Variants in PCDHA5 observed in about 807,000 individuals in gnomAD.
PCDHA5 encodes protocadherin alpha-5.
PCDHA5 carries 43 observed loss-of-function variants against 61.6 expected under a neutral mutation model. That is an observed-to-expected ratio of 0.70 (90% CI 0.55 to 0.90). The LOEUF is 0.90. Among genes scored for constraint, PCDHA5 ranks in the 40% least tolerant of loss-of-function variants. The probability of loss-of-function intolerance (pLI) is 0.00; values close to 1 mark genes in which losing one functional copy is unlikely to be tolerated. For synonymous variants in PCDHA5, 627 were observed against 543.9 expected (o/e 1.15, Z -2.13); for missense variants, 1,298 against 1,222.7 (o/e 1.06, Z -0.92).
chr5:140,965,814 T>C (rs1423732818), intron 1 of PCDHA5, among the ~76,000 whole-genome samples: 1 of 152,224 alleles, frequency 6.6e-6, no homozygotes, highest in Non-Finnish European at 1.5e-5. Flanking sequence ...AAACAGAGCA[T>C]TTTAAACATT....
chr5:141,007,315 C>T (rs1207897662), intron 3 of PCDHA5, among the ~76,000 whole-genome samples: 1 of 148,308 alleles, frequency 6.7e-6, no homozygotes, highest in Non-Finnish European at 1.5e-5. Flanking sequence ...TTTTGGGAGG[C>T]TAAAGTGGAC....
chr5:140,985,170 C>T (rs1465909141), intron 3 of PCDHA5, among the ~76,000 whole-genome samples: 12 of 152,168 alleles, frequency 7.9e-5, no homozygotes, highest in African/African-American at 2.9e-4. Flanking sequence ...ATCTCCTGAC[C>T]TCGTAATCCG....
chr5:140,876,017 T>C lies in PCDHA5; in HGVS notation c.2352+51890T>C, dbSNP rs371785405. The C allele has an allele frequency of 8.7e-6, 14 of 1,613,124 alleles. No homozygotes were observed. Among genetic ancestry groups the C allele is most frequent in the Admixed American group, 3.3e-5 (2 of 59,812 alleles). ...CTAAATGAGAATTTTGAGCTTAAAA[T>C]AAAAACAAAAAAAGATAAAAGTATA... On this transcript the variant is annotated intron_variant, in intron 1 of 3. Transcript: ENST00000529859.
chr5:140,824,611 T>G (rs1768190871), intron 1 of PCDHA5: 1 of 19,836 alleles, frequency 5.0e-5, no homozygotes, highest in African/African-American at 1.7e-4. Context: ...CTAATTAAAG[T>G]TTTTTTTTTT....
chr5:140,927,814 G>GCATA (rs1554205103), intron 1 of PCDHA5: 1 of 1,614,172 alleles, frequency 6.2e-7, no homozygotes, highest in Non-Finnish European at 8.5e-7. Context: ...GCTCTTGGAG[G>GCATA]CATACATTGA....
rs1255699815 is a variant in PCDHA5, at chr5:140,984,173, C to T, written c.2500+1610C>T. On this transcript the variant is annotated intron_variant, in intron 3 of 3. Transcript: ENST00000529859. The stretch of plus-strand genomic sequence containing the variant: ...AGGTGAGAACTTCCCAAAGAAGCCA[C>T]GTGAAATCATGACTTTCTACCTTGC... Among the ~76,000 whole-genome samples, 5 of 152,166 alleles carry T rather than the reference C, an allele frequency of 3.3e-5. No individual in the cohort carries two copies. The South Asian group carries it at 6.2e-4, about 19-fold the overall frequency.
chr5:140,853,541 G>A, intron 1 of PCDHA5: 2 of 979,320 alleles, frequency 2.0e-6, no homozygotes, highest in Non-Finnish European at 2.5e-6. Context: ...TTTTCAAGTT[G>A]TAATTACTAT....
At chr5:140,926,850 G>A (rs375350613) in intron 1 of PCDHA5, 3 of 1,517,570 alleles carry the variant, frequency 2.0e-6, no homozygotes, top group African/African-American at 2.8e-5. Flanking sequence ...CTGGGTCACC[G>A]TTGGTGTAGC....
intron 1 of PCDHA5, chr5:140,830,264 G>A (rs748242537): frequency 6.2e-7 from 1 of 1,613,678 alleles, no homozygotes; most frequent in Non-Finnish European, 8.5e-7. Context: ...GCGGTGCTCG[G>A]CGCCACCCAC....
chr5:140,922,172 C>T (rs1466116071), intron 1 of PCDHA5, among the ~76,000 whole-genome samples: 2 of 134,528 alleles, frequency 1.5e-5, no homozygotes, highest in Non-Finnish European at 3.3e-5. Context: ...AAAAGTACAG[C>T]AGACAAAAAA....
At chr5:140,842,935 C>G (rs1329962165) in intron 1 of PCDHA5, 2 of 1,594,326 alleles carry the variant, frequency 1.3e-6, no homozygotes, top group African/African-American at 1.3e-5. Flanking sequence ...TGAGCGCGCG[C>G]GACGCGGGCG....
At chr5:140,855,140 G>C (rs2043352790) in intron 1 of PCDHA5, among the ~76,000 whole-genome samples, 1 of 149,686 alleles carries the variant, frequency 6.7e-6, no homozygotes. Context: ...TTTGCCTGAT[G>C]AGCCAAATTT....
intron 1 of PCDHA5, chr5:140,850,292 C>A: frequency 6.3e-7 from 1 of 1,596,038 alleles, no homozygotes; most frequent in Non-Finnish European, 8.6e-7. Flanking sequence ...CAGTGGACGC[C>A]GACTCGGGCT....
rs2150133145 is a variant in PCDHA5, at chr5:140,824,197, C to CT, written c.2352+77dup. 4.4e-5 allele frequency: 70 copies of CT among 1,598,448 alleles called. No homozygotes were observed. In the African/African-American group the frequency reaches 7.8e-4, roughly 18 times the overall value. ...AAATATTAAATGTCACATTCACCCA[C>CT]TTTTTTTGTATTTAAAAATTATGTC... is the stretch of plus-strand genomic sequence containing the variant. On this transcript the variant is annotated intron_variant, in intron 1 of 3. Coordinates refer to ENST00000529859, the MANE Select transcript of PCDHA5 (RefSeq NM_018908.3).
intron 1 of PCDHA5, among the ~76,000 whole-genome samples, chr5:140,915,967 A>G (rs1188377648): frequency 1.3e-5 from 2 of 152,078 alleles, no homozygotes; most frequent in Non-Finnish European, 2.9e-5. Flanking sequence ...TTTGCCTGAT[A>G]TTTTATTTGA....
chr5:140,842,170 C>T (rs1360420045), intron 1 of PCDHA5: 2 of 1,613,662 alleles, frequency 1.2e-6, no homozygotes, highest in African/African-American at 2.7e-5. Context: ...CTTTTAATAG[C>T]CTTGTTGAAA....
Position 140,835,890 on chromosome 5 carries a change from G to C in PCDHA5, c.2352+11763G>C, listed in dbSNP as rs147416989. 5.6e-6 allele frequency: 9 copies of C among 1,611,850 alleles called. No individual in the cohort carries two copies. The Admixed American group carries it at 1.5e-4, about 27-fold the overall frequency. On this transcript the variant is annotated intron_variant, in intron 1 of 3. Transcript: ENST00000529859. The stretch of plus-strand genomic sequence containing the variant: ...GGTGGAGCTGCGGGTGGGCGAGCGC[G>C]CGCTGTCGAGCTACGTGTCAGTGCA...
chr5:140,915,553 A>T (rs1317422262), intron 1 of PCDHA5, among the ~76,000 whole-genome samples: 1 of 152,156 alleles, frequency 6.6e-6, no homozygotes, highest in African/African-American at 2.4e-5. Context: ...AATAAGATCC[A>T]GAATGATTAT....
rs199811254 is a variant in PCDHA5 at position 140,877,222 on chromosome 5, T to C, written c.2352+53095T>C. 9.3e-5 allele frequency: 150 copies of C among 1,613,562 alleles called. No homozygotes were observed. Among genetic ancestry groups the C allele is most frequent in the Admixed American group, 2.2e-4 (13 of 59,972 alleles). Reference sequence around the variant, plus strand: ...CGCAGTTAGCGAGTTGGTACCGCGGTCGGTGGGTGCGGGCCACGTGGTGGC... The same window carrying C: ...CGCAGTTAGCGAGTTGGTACCGCGGCCGGTGGGTGCGGGCCACGTGGTGGC... On this transcript the variant is annotated intron_variant, in intron 1 of 3. Transcript: ENST00000529859.
Sources: gnomAD v4.1 joint callset for allele counts (sites outside exome capture counted in the v4.1 genomes callset) on GRCh38, gnomAD v4.1.1 for gene constraint, MANE v1.5 for transcripts, NCBI Gene and HGNC (gene_info 2026-07-23, HGNC 2026-07-21) for gene names.